The following PAMR1 variants were observed in gnomAD, a reference collection of about 807,000 sequenced individuals.
PAMR1 encodes the protein inactive serine protease PAMR1.
PAMR1 carries 88 observed loss-of-function variants against 81.8 expected under a neutral mutation model. The observed-to-expected ratio is 1.08, with a 90% CI of 0.91 to 1.28. PAMR1 has a LOEUF of 1.28. Ranked by LOEUF, PAMR1 falls within the 50% of genes most tolerant of loss-of-function variation. PAMR1 has a pLI of 0.00. For synonymous variants in PAMR1, 336 were observed against 345.3 expected, an observed-to-expected ratio of 0.97 and a Z score of 0.30; for missense variants, 935 against 919.7, an observed-to-expected ratio of 1.02 and a Z score of -0.21.
intron 3 of PAMR1, among the ~76,000 whole-genome samples, chr11:35,476,393 C>T (rs1461499465): frequency 6.6e-6 from 1 of 152,184 alleles, no homozygotes; most frequent in Non-Finnish European, 1.5e-5. Flanking sequence ...AGGTTACTTT[C>T]ATGCTGTTCT....
intron 1 of PAMR1, among the ~76,000 whole-genome samples, chr11:35,515,723 T>C (rs1851150547): frequency 6.6e-6 from 1 of 152,158 alleles, no homozygotes; most frequent in South Asian, 2.1e-4. Context: ...CACAGAGAAA[T>C]GAAGCCATGG....
chr11:35,510,604 C>T (rs1055015515), intron 1 of PAMR1, among the ~76,000 whole-genome samples: 2 of 152,140 alleles, frequency 1.3e-5, no homozygotes, highest in Admixed American at 6.6e-5. Context: ...GATGTCTATC[C>T]TTCAAGTCAT....
At chr11:35,440,364 C>A (rs1045240147) in intron 7 of PAMR1, among the ~76,000 whole-genome samples, 1 of 152,118 alleles carries the variant, frequency 6.6e-6, no homozygotes, top group South Asian at 2.1e-4. Context: ...TATGTGACAC[C>A]GTTCCCATAC....
At chr11:35,485,128 T>C (rs920395939) in intron 3 of PAMR1, among the ~76,000 whole-genome samples, 2 of 152,132 alleles carry the variant, frequency 1.3e-5, no homozygotes, top group African/African-American at 2.4e-5. Context: ...CTTAAAACAT[T>C]TGAGGGTCAG....
At chr11:35,435,095 T>G (rs1439117066) in intron 9 of PAMR1, among the ~76,000 whole-genome samples, 1 of 152,212 alleles carries the variant, frequency 6.6e-6, no homozygotes, top group Non-Finnish European at 1.5e-5. Context: ...GCCTCTGTCT[T>G]CTTGCCTGTA....
chr11:35,458,508 C>T (rs1856581919), intron 6 of PAMR1, among the ~76,000 whole-genome samples: 1 of 152,168 alleles, frequency 6.6e-6, no homozygotes. Flanking sequence ...AAAACCAAGT[C>T]AGGCAGGTAC....
intron 6 of PAMR1, among the ~76,000 whole-genome samples, chr11:35,462,989 A>G (rs1856689254): frequency 1.3e-5 from 2 of 152,206 alleles, no homozygotes; most frequent in South Asian, 2.1e-4. Context: ...TAAATGCCTC[A>G]CCCTCAGAGA....
chr11:35,453,350 G>A (rs1162622261), intron 6 of PAMR1: 1 of 152,166 alleles, frequency 6.6e-6, no homozygotes, highest in Non-Finnish European at 1.5e-5. Context: ...GTCTACCCAC[G>A]ACGGCCTTCC....
chr11:35,525,798 C>G, upstream of PAMR1: 1 of 586,108 alleles, frequency 1.7e-6, no homozygotes, highest in Non-Finnish European at 3.0e-6. Context: ...CTGCCTTAAC[C>G]CTTGCGGGGC....
At chr11:35,485,036 A>G (rs907770171) in intron 3 of PAMR1, among the ~76,000 whole-genome samples, 8 of 152,186 alleles carry the variant, frequency 5.3e-5, no homozygotes, top group African/African-American at 1.7e-4. Context: ...GCAGTTCCTA[A>G]ATACAATTTC....
intron 6 of PAMR1, among the ~76,000 whole-genome samples, chr11:35,463,722 C>A (rs1265913295): frequency 6.6e-6 from 1 of 152,110 alleles, no homozygotes; most frequent in African/African-American, 2.4e-5. Flanking sequence ...ACCCAGGCAC[C>A]GGGGGAAGTT....
intron 1 of PAMR1, among the ~76,000 whole-genome samples, chr11:35,497,181 A>G (rs950752856): frequency 1.3e-5 from 2 of 152,172 alleles, no homozygotes; most frequent in African/African-American, 2.4e-5. Context: ...TAATAGTAAT[A>G]ATAACAAATA....
intron 6 of PAMR1, among the ~76,000 whole-genome samples, chr11:35,450,525 T>C (rs1376152320): frequency 6.6e-6 from 1 of 152,156 alleles, no homozygotes; most frequent in African/African-American, 2.4e-5. Context: ...CTCCATGATG[T>C]GGGAGGAAAA....
intron 10 of PAMR1, among the ~76,000 whole-genome samples, chr11:35,434,005 G>A (rs1855976800): frequency 6.6e-6 from 1 of 152,158 alleles, no homozygotes; most frequent in South Asian, 2.1e-4. Context: ...CTAGGACAGT[G>A]CCCAAATGTA....
intron 1 of PAMR1, among the ~76,000 whole-genome samples, chr11:35,498,717 C>T (rs961773375): frequency 2.0e-5 from 3 of 152,066 alleles, no homozygotes; most frequent in African/African-American, 7.2e-5. Context: ...CACTGTTTCC[C>T]ACCTTCTCTC....
At position 35,458,688 on chromosome 11, in the gene PAMR1, C is replaced by T. The variant is rs141386887; in HGVS notation, c.820+9313G>A. Among the ~76,000 whole-genome samples, 20 of 152,286 alleles carry T rather than the reference C, an allele frequency of 1.3e-4. No individual in the cohort carries two copies. In the East Asian group the frequency reaches 2.5e-3, roughly 19 times the overall value. On this transcript the variant is annotated intron_variant, in intron 6 of 10. Coordinates refer to ENST00000619888, the MANE Select transcript of PAMR1 (RefSeq NM_001001991.3). The stretch of plus-strand genomic sequence containing the variant: ...CAATTCTTAGCATACTCTTGGCATC[C>T]GCCCATTGTCACTTGTCACCAAAAT...
chr11:35,491,432 C>T (rs1211807899), intron 3 of PAMR1, among the ~76,000 whole-genome samples: 1 of 152,186 alleles, frequency 6.6e-6, no homozygotes, highest in Non-Finnish European at 1.5e-5. Context: ...TTGTACATTG[C>T]TTGAGATACA....
chr11:35,524,483 T>C (rs1377944612), intron 1 of PAMR1, among the ~76,000 whole-genome samples: 1 of 152,192 alleles, frequency 6.6e-6, no homozygotes, highest in African/African-American at 2.4e-5. Flanking sequence ...GCCTGTTTCA[T>C]TCTCAGGCAC....
chr11:35,450,720 G>A (rs1590328019), intron 6 of PAMR1, among the ~76,000 whole-genome samples: 3 of 152,290 alleles, frequency 2.0e-5, no homozygotes, highest in Admixed American at 2.0e-4. Context: ...CATAAAAATT[G>A]GGAGATTTCA....
Sources: gnomAD v4.1 joint callset for allele counts (sites outside exome capture counted in the v4.1 genomes callset) on GRCh38, gnomAD v4.1.1 for gene constraint, MANE v1.5 for transcripts, NCBI Gene and HGNC (gene_info 2026-07-23, HGNC 2026-07-21) for gene names.